The following DIS3L2 variants were observed in gnomAD, a reference collection of about 807,000 sequenced individuals.
DIS3L2 encodes the protein DIS3 like 3'-5' exoribonuclease 2.
In DIS3L2, 34 loss-of-function variants were observed where a neutral mutation model predicts 97.5. The observed-to-expected ratio is 0.35, with a 90% CI of 0.27 to 0.46. The LOEUF (loss-of-function observed/expected upper bound fraction) is 0.46, where lower values mean the gene tolerates loss of function less well. Among genes scored for constraint, DIS3L2 ranks in the 20% least tolerant of loss-of-function variants. The probability of loss-of-function intolerance (pLI) is 1.00; values close to 1 mark genes in which losing one functional copy is unlikely to be tolerated. For missense variants in DIS3L2, 1,038 were observed against 1,146.0 expected, an observed-to-expected ratio of 0.91 and a Z score of 1.36; for synonymous variants, 435 against 445.2, an observed-to-expected ratio of 0.98 and a Z score of 0.29.
intron 11 of DIS3L2, among the ~76,000 whole-genome samples, chr2:232,239,437 A>G (rs899269115): frequency 1.3e-5 from 2 of 152,224 alleles, no homozygotes; most frequent in Non-Finnish European, 2.9e-5. Flanking sequence ...ACTGTGGTTC[A>G]TGAATTCTGC....
At chr2:232,122,269 G>A (rs1443173138) in intron 6 of DIS3L2, among the ~76,000 whole-genome samples, 3 of 152,100 alleles carry the variant, frequency 2.0e-5, no homozygotes, top group Non-Finnish European at 4.4e-5. Flanking sequence ...CACTTTAACA[G>A]ATATTAATTT....
At chr2:232,327,997 G>A (rs954138188) in intron 14 of DIS3L2, among the ~76,000 whole-genome samples, 1 of 152,242 alleles carries the variant, frequency 6.6e-6, no homozygotes, top group African/African-American at 2.4e-5. Context: ...AAGTTGTGGA[G>A]CTGAGAGTCA....
intron 14 of DIS3L2, among the ~76,000 whole-genome samples, chr2:232,303,704 G>A (rs1304507700): frequency 6.6e-6 from 1 of 152,066 alleles, no homozygotes; most frequent in Non-Finnish European, 1.5e-5. Flanking sequence ...TATATTTTCT[G>A]GATTCTTTTA....
chr2:232,339,619 C>A, downstream of DIS3L2: 1 of 427,610 alleles, frequency 2.3e-6, no homozygotes, highest in Non-Finnish European at 4.8e-6. Flanking sequence ...CCTCTCCAGG[C>A]CACTGCAGGG....
intron 15 of DIS3L2, among the ~76,000 whole-genome samples, 178 bp downstream of exon 15, chr2:232,330,174 G>A (rs941955017): frequency 6.6e-6 from 1 of 152,210 alleles, no homozygotes; most frequent in African/African-American, 2.4e-5. Flanking sequence ...CAGGGGCCCT[G>A]ACAGTGGGAC....
intron 6 of DIS3L2, among the ~76,000 whole-genome samples, chr2:232,110,952 C>T (rs13413148): frequency 2.6e-5 from 4 of 152,056 alleles, no homozygotes; most frequent in Non-Finnish European, 5.9e-5. Context: ...ACTTAGATTA[C>T]TTTCTATGTG....
chr2:232,205,989 C>G (rs1692017733), intron 9 of DIS3L2, among the ~76,000 whole-genome samples: 1 of 152,146 alleles, frequency 6.6e-6, no homozygotes, highest in Admixed American at 6.5e-5. Flanking sequence ...ACAGTGATAG[C>G]ATAGTCATTT....
chr2:232,286,635 A>C (rs758083439), intron 13 of DIS3L2, among the ~76,000 whole-genome samples: 2 of 152,210 alleles, frequency 1.3e-5, no homozygotes, highest in Non-Finnish European at 2.9e-5. Flanking sequence ...AGTTTCCGCT[A>C]TAGCTAGGCA....
exon 14 of DIS3L2, chr2:232,344,318 C>G (rs563958143): frequency 6.6e-6 from 1 of 152,230 alleles, no homozygotes; most frequent in East Asian, 1.9e-4. Flanking sequence ...GCCTGAGGGG[C>G]TGCTTCGTAT....
At chr2:232,048,749 G>T (rs542069074) in intron 5 of DIS3L2, among the ~76,000 whole-genome samples, 7 of 151,768 alleles carry the variant, frequency 4.6e-5, no homozygotes, top group African/African-American at 1.7e-4. Context: ...AAAAAGAGTT[G>T]TATATGCCCG....
At chr2:232,027,013 C>T (rs565858691) in intron 4 of DIS3L2, among the ~76,000 whole-genome samples, 4 of 152,114 alleles carry the variant, frequency 2.6e-5, no homozygotes, top group African/African-American at 9.7e-5. Context: ...AGCTACCAAT[C>T]AAGGCCCATT....
intron 9 of DIS3L2, among the ~76,000 whole-genome samples, chr2:232,197,401 G>A (rs775539188): frequency 2.6e-5 from 4 of 152,074 alleles, no homozygotes; most frequent in Middle Eastern, 3.4e-3. Context: ...TTTCACTATC[G>A]TTTTCCTATT....
intron 10 of DIS3L2, among the ~76,000 whole-genome samples, chr2:232,229,250 T>G (rs1403384491): frequency 6.6e-6 from 1 of 152,180 alleles, no homozygotes; most frequent in African/African-American, 2.4e-5. Flanking sequence ...ATGAAACCCA[T>G]TGTTCCCATC....
Position 232,184,047 on chromosome 2 carries a change from C to T in DIS3L2, c.1124+20415C>T, listed in dbSNP as rs531911432. ...AGTAAACTTTGTAAGTAAAACTTTA[C>T]AAAGTTCAGTGTCCTTGTTGATATT... On this transcript the variant is annotated intron_variant, in intron 9 of 20. Transcript: ENST00000325385. Among the ~76,000 whole-genome samples, 32 of 152,278 alleles carry T rather than the reference C, an allele frequency of 2.1e-4. No homozygotes were observed. The South Asian group carries it at 6.4e-3, about 31-fold the overall frequency.
chr2:232,277,484 T>G (rs1273086016), intron 13 of DIS3L2, among the ~76,000 whole-genome samples: 3 of 152,174 alleles, frequency 2.0e-5, no homozygotes, highest in Admixed American at 6.5e-5. Context: ...TGAAGGAAAT[T>G]AACTTTTTTT....
intron 5 of DIS3L2, among the ~76,000 whole-genome samples, chr2:232,056,406 A>G (rs1695551932): frequency 6.6e-6 from 1 of 151,988 alleles, no homozygotes; most frequent in Admixed American, 6.6e-5. Context: ...CAAACAAAAA[A>G]CAGTAACCAT....
At chr2:231,986,895 G>A (rs1394810905) in intron 1 of DIS3L2, among the ~76,000 whole-genome samples, 1 of 152,176 alleles carries the variant, frequency 6.6e-6, no homozygotes, top group Non-Finnish European at 1.5e-5. Flanking sequence ...ACATAAACAA[G>A]TATTTAATTT....
intron 1 of DIS3L2, among the ~76,000 whole-genome samples, chr2:231,988,986 T>C (rs1455591108): frequency 6.6e-6 from 1 of 152,244 alleles, no homozygotes; most frequent in Non-Finnish European, 1.5e-5. Flanking sequence ...GTCACATATT[T>C]TTCCAAATTG....
At chr2:232,046,989 T>C (rs1390013084) in intron 5 of DIS3L2, among the ~76,000 whole-genome samples, 1 of 152,174 alleles carries the variant, frequency 6.6e-6, no homozygotes, top group African/African-American at 2.4e-5. Flanking sequence ...GACAATCATG[T>C]CATTTCTGTC....
Sources: gnomAD v4.1 joint callset for allele counts (sites outside exome capture counted in the v4.1 genomes callset) on GRCh38, gnomAD v4.1.1 for gene constraint, MANE v1.5 for transcripts, NCBI Gene and HGNC (gene_info 2026-07-23, HGNC 2026-07-21) for gene names.